Variants in WWOX observed in about 807,000 individuals in gnomAD.
WWOX encodes the protein WW domain-containing oxidoreductase.
WWOX carries 69 observed loss-of-function variants against 46.2 expected under a neutral mutation model. The ratio of observed to expected loss-of-function variants is 1.49; its 90% CI spans 1.23 to 1.82. WWOX has a LOEUF of 1.82. Among genes scored for constraint, WWOX ranks in the 40% most tolerant of loss-of-function variants. The pLI is 0.00. For missense variants in WWOX, 919 were observed against 542.6 expected, an observed-to-expected ratio of 1.69 and a Z score of -6.89; for synonymous variants, 359 against 202.6, an observed-to-expected ratio of 1.77 and a Z score of -6.56.
intron 8 of WWOX, among the ~76,000 whole-genome samples, chr16:78,732,064 A>G (rs534321369): frequency 2.0e-5 from 3 of 152,134 alleles, no homozygotes; most frequent in East Asian, 1.9e-4. Context: ...GGGTCTTGCT[A>G]TGTTGGTGAG....
intron 8 of WWOX, among the ~76,000 whole-genome samples, chr16:78,905,549 T>A (rs1039647487): frequency 1.3e-5 from 2 of 152,110 alleles, no homozygotes; most frequent in African/African-American, 4.8e-5. Context: ...ACCTAGTTAA[T>A]TTTTTATTTT....
At chr16:78,102,632 C>T (rs1028093080) in intron 1 of WWOX, among the ~76,000 whole-genome samples, 1 of 152,176 alleles carries the variant, frequency 6.6e-6, no homozygotes, top group African/African-American at 2.4e-5. Flanking sequence ...TGTCACTGCC[C>T]AAGAGACCTT....
At chr16:78,633,218 T>A (rs2004942) in intron 8 of WWOX, among the ~76,000 whole-genome samples, 1 of 151,902 alleles carries the variant, frequency 6.6e-6, no homozygotes, top group African/African-American at 2.4e-5. Flanking sequence ...GCTGAGATCG[T>A]GCCACTGCGC....
intron 4 of WWOX, among the ~76,000 whole-genome samples, chr16:78,154,751 T>G (rs1368296839): frequency 6.6e-6 from 1 of 152,102 alleles, no homozygotes; most frequent in Admixed American, 6.6e-5. Flanking sequence ...AGTCTCACAC[T>G]TGACATAGTA....
intron 8 of WWOX, among the ~76,000 whole-genome samples, chr16:78,577,935 C>T (rs2044930886): frequency 6.6e-6 from 1 of 151,998 alleles, no homozygotes; most frequent in African/African-American, 2.4e-5. Context: ...ACCCTTGTGG[C>T]CACAGTTTTT....
At chr16:78,942,517 G>C (rs900769986) in intron 8 of WWOX, among the ~76,000 whole-genome samples, 2 of 152,102 alleles carry the variant, frequency 1.3e-5, no homozygotes, top group African/African-American at 2.4e-5. Flanking sequence ...AGCTCTCTGG[G>C]CAGTGGGATG....
chr16:79,027,778 C>G lies in WWOX; in HGVS notation c.1057-183830C>G, dbSNP rs547729071. Among the ~76,000 whole-genome samples, 3 of 151,686 alleles carry G rather than the reference C, an allele frequency of 2.0e-5. No homozygotes were observed. The South Asian group carries it at 6.2e-4, about 32-fold the overall frequency. On this transcript the variant is annotated intron_variant, in intron 8 of 8. Transcript: ENST00000566780. ...AGATGTCTTTTTTTGATATAGATGT[C>G]TCTTGATATAGAAGCATTTCTCGGG...
chr16:78,909,348 C>G (rs934922013), intron 8 of WWOX, among the ~76,000 whole-genome samples: 1 of 152,170 alleles, frequency 6.6e-6, no homozygotes, highest in Non-Finnish European at 1.5e-5. Context: ...GTAAGAGTGG[C>G]CTTCGAGCCT....
intron 8 of WWOX, among the ~76,000 whole-genome samples, chr16:78,593,597 G>A (rs1416656939): frequency 2.0e-5 from 3 of 152,140 alleles, no homozygotes; most frequent in Admixed American, 6.5e-5. Context: ...AAGTCCTTCC[G>A]GGGACTTTGC....
At chr16:78,477,435 G>C (rs578225632) in intron 8 of WWOX, among the ~76,000 whole-genome samples, 120 of 152,034 alleles carry the variant, frequency 7.9e-4, no homozygotes, top group African/African-American at 2.8e-3. Context: ...ATGCTGTGAA[G>C]AGGCCCTGTC....
At chr16:79,097,944 C>T (rs917161515) in intron 8 of WWOX, among the ~76,000 whole-genome samples, 2 of 152,122 alleles carry the variant, frequency 1.3e-5, no homozygotes, top group Non-Finnish European at 2.9e-5. Context: ...CAGGTCCTGC[C>T]GGGTGACTAA....
chr16:78,382,425 G>C (rs1387408109), intron 5 of WWOX, among the ~76,000 whole-genome samples: 1 of 152,146 alleles, frequency 6.6e-6, no homozygotes, highest in Non-Finnish European at 1.5e-5. Flanking sequence ...CGGTGAGCTG[G>C]GCCCACTGAC....
At chr16:78,988,967 A>G (rs2151343994) in intron 8 of WWOX, among the ~76,000 whole-genome samples, 1 of 152,338 alleles carries the variant, frequency 6.6e-6, no homozygotes, top group East Asian at 1.9e-4. Flanking sequence ...GGAACTAGGC[A>G]GGAGAATTCC....
Position 79,060,256 on chromosome 16 carries a change from T to A in WWOX, c.1057-151352T>A, listed in dbSNP as rs77895075. On this transcript the variant is annotated intron_variant, in intron 8 of 8. Transcript: ENST00000566780. ...CTATCTGCAGTGTTTCCAAAAATAG[T>A]TTTGGAAATTGCAAAAATACTACAA... 1.0e-3 allele frequency among the ~76,000 whole-genome samples: 159 copies of A among 152,292 alleles called. 3 individuals carry two copies. In the East Asian group the frequency reaches 0.028, roughly 27 times the overall value.
In WWOX at chr16:78,673,115, A is replaced by G. The variant is rs1286984674; in HGVS notation, c.1056+240363A>G. The stretch of plus-strand genomic sequence containing the variant: ...GGGAAATAGGGTACGCTGAAGGTCA[A>G]CGTGCAGACATGTCCTGAAGGAACA... On this transcript the variant is annotated intron_variant, in intron 8 of 8. Transcript: ENST00000566780. Among the ~76,000 whole-genome samples the G allele has an allele frequency of 4.6e-5, 7 of 152,226 alleles. 2 individuals are homozygous for G. The highest frequency in any genetic ancestry group is 2.9e-5 in the Non-Finnish European group (2 of 68,042).
chr16:78,568,379 T>G (rs971043123), intron 8 of WWOX, among the ~76,000 whole-genome samples: 1 of 151,960 alleles, frequency 6.6e-6, no homozygotes, highest in African/African-American at 2.4e-5. Context: ...ACTCAGACCA[T>G]TTAGAATCAC....
intron 8 of WWOX, among the ~76,000 whole-genome samples, chr16:78,985,519 A>G (rs2046767807): frequency 6.6e-6 from 1 of 152,198 alleles, no homozygotes; most frequent in Non-Finnish European, 1.5e-5. Flanking sequence ...CTGTAATCCC[A>G]GAACGTTGGG....
chr16:78,883,074 A>G (rs1261966171), intron 8 of WWOX, among the ~76,000 whole-genome samples: 1 of 152,190 alleles, frequency 6.6e-6, no homozygotes, highest in African/African-American at 2.4e-5. Flanking sequence ...CTTTCATTTG[A>G]GTGGGCCCAG....
rs573089316 is a variant in WWOX, at chr16:78,451,371, T to C, written c.1056+18619T>C. 2.0e-4 allele frequency among the ~76,000 whole-genome samples: 30 copies of C among 152,318 alleles called. 1 individual carries two copies. The South Asian group carries it at 5.4e-3, about 27-fold the overall frequency. On this transcript the variant is annotated intron_variant, in intron 8 of 8. Coordinates refer to ENST00000566780, the MANE Select transcript of WWOX (RefSeq NM_016373.4). ...AACAATTCACATTTCTTAGGACTAA[T>C]TTATTTTCCACAGTCCACTACCAAC... is the stretch of plus-strand genomic sequence containing the variant.
Sources: allele counts gnomAD v4.1 joint callset (sites outside exome capture counted in the v4.1 genomes callset), GRCh38; gene constraint gnomAD v4.1.1; transcripts MANE v1.5; gene names NCBI Gene and HGNC (gene_info 2026-07-23, HGNC 2026-07-21).